The following RAB43 variants were observed in gnomAD, a reference collection of about 807,000 sequenced individuals.
RAB43 encodes the protein RAB43, member RAS oncogene family.
Under a neutral mutation model 18.8 loss-of-function variants are expected in RAB43, and 6 were observed. The ratio of observed to expected loss-of-function variants is 0.32; its 90% CI spans 0.17 to 0.63. The LOEUF (loss-of-function observed/expected upper bound fraction) is 0.63. RAB43 is among the 30% of genes least tolerant of loss of function. RAB43 has a pLI of 0.79. For synonymous variants in RAB43, 103 were observed against 124.1 expected (o/e 0.83, Z 1.13); for missense variants, 195 against 289.1 (o/e 0.67, Z 2.36).
intron 1 of RAB43, among the ~76,000 whole-genome samples, chr3:129,118,822 C>T (rs983117631): frequency 6.6e-6 from 1 of 152,218 alleles, no homozygotes; most frequent in Non-Finnish European, 1.5e-5. Context: ...CCACTGCACC[C>T]GGCCCCTGGA....
intron 1 of RAB43, among the ~76,000 whole-genome samples, chr3:129,111,958 A>G (rs1446734162): frequency 1.3e-5 from 2 of 152,204 alleles, no homozygotes; most frequent in African/African-American, 2.4e-5. Flanking sequence ...GTTAAAAGCC[A>G]AGAGTAAAGC....
intron 1 of RAB43, among the ~76,000 whole-genome samples, chr3:129,097,668 G>A (rs1333900767): frequency 6.6e-6 from 1 of 152,148 alleles, no homozygotes; most frequent in Non-Finnish European, 1.5e-5. Context: ...GATAATACCT[G>A]AGCAGCAGCC....
rs780103120 is a variant in RAB43, at chr3:129,107,226, C to A, written c.205-12057G>T. Among the ~76,000 whole-genome samples, 19 of 152,232 alleles carry A rather than the reference C, an allele frequency of 1.2e-4. No individual in the cohort carries two copies. Among genetic ancestry groups the A allele is most frequent in the Admixed American group, 3.9e-4 (6 of 15,286 alleles). ...TGACTCCGAAGCCTGGTGTCCTTTA[C>A]CATGGACGCGGCTCCTCCGCAAGCA... On this transcript the variant is annotated intron_variant, in intron 1 of 2. Transcript: ENST00000315150. The surrounding 1 kb of genome is among the most constrained non-coding windows in gnomAD (Gnocchi z 4.2).
Position 129,095,392 on chromosome 3 carries a change from A to G in RAB43, c.205-223T>C, listed in dbSNP as rs146583542. Among the ~76,000 whole-genome samples, 271 of 151,604 alleles carry G rather than the reference A, an allele frequency of 1.8e-3. No homozygotes were observed. The highest frequency in any genetic ancestry group is 6.2e-3 in the African/African-American group (257 of 41,532). On this transcript the variant is annotated intron_variant, in intron 1 of 2. Transcript: ENST00000315150. The surrounding 1 kb of genome is among the most constrained non-coding windows in gnomAD (Gnocchi z 4.2). ...GGCCCTCTAGGGTCCCCAGGGAAAG[A>G]TGGAGGAAGGGGTACACTCTGAGCT...
chr3:129,117,296 A>G (rs1264828891), intron 1 of RAB43, among the ~76,000 whole-genome samples: 1 of 152,224 alleles, frequency 6.6e-6, no homozygotes. Flanking sequence ...CATTAGTCCC[A>G]TTTCACAGAT....
At chr3:129,110,588 C>A (rs1417369368) in intron 1 of RAB43, among the ~76,000 whole-genome samples, 1 of 152,144 alleles carries the variant, frequency 6.6e-6, no homozygotes, top group Non-Finnish European at 1.5e-5. Context: ...CCTGTAATCC[C>A]AGCACTTTGG....
intron 1 of RAB43, among the ~76,000 whole-genome samples, chr3:129,101,053 G>A (rs993387188): frequency 1.3e-5 from 2 of 152,136 alleles, no homozygotes; most frequent in African/African-American, 4.8e-5. Flanking sequence ...TGATCCACCC[G>A]CCATGGCCTC....
chr3:129,095,279 G>A lies in RAB43; in HGVS notation c.205-110C>T, dbSNP rs1432185628. The A allele has an allele frequency of 2.8e-6, 4 of 1,426,554 alleles. No homozygotes were observed. The highest frequency in any genetic ancestry group is 2.9e-5 in the African/African-American group (2 of 69,522). The allele number at this position is 1,426,554 out of a possible 1,614,324, so 88.4% of individuals were successfully genotyped here. A position where few individuals can be genotyped will look rare whatever the true frequency, so the allele number is the denominator to read the frequency against. On this transcript the variant is annotated intron_variant, in intron 1 of 2. Transcript: ENST00000315150. This position sits in a 1 kb window ranked among gnomAD's most constrained non-coding sequence, Gnocchi z 4.2. ...GAGCTGTGGTTCCACTGGGCTAGGAGGCCTTCTGAGTCCTTAGAAAGCAAC... is the reference window on the plus strand; with the variant it reads ...GAGCTGTGGTTCCACTGGGCTAGGAAGCCTTCTGAGTCCTTAGAAAGCAAC...
chr3:129,115,983 T>A (rs894623967), intron 1 of RAB43, among the ~76,000 whole-genome samples: 10 of 152,222 alleles, frequency 6.6e-5, no homozygotes, highest in African/African-American at 2.4e-4. Context: ...ACAGTGCTTG[T>A]GTTCAAAGAA....
intron 2 of RAB43, among the ~76,000 whole-genome samples, chr3:129,093,649 G>A (rs568075762): frequency 2.6e-5 from 4 of 152,214 alleles, no homozygotes; most frequent in East Asian, 3.9e-4. Context: ...GTTAGGCTAC[G>A]TGAGGAAAGC....
At position 129,107,611 on chromosome 3, in the gene RAB43, T is replaced by C. The variant is rs1449529430; in HGVS notation, c.205-12442A>G. Among the ~76,000 whole-genome samples the C allele has an allele frequency of 6.6e-6, 1 of 152,102 alleles. No individual in the cohort carries two copies. Among genetic ancestry groups the C allele is most frequent in the Non-Finnish European group, 1.5e-5 (1 of 67,998 alleles). On this transcript the variant is annotated intron_variant, in intron 1 of 2. Coordinates refer to ENST00000315150, the MANE Select transcript of RAB43 (RefSeq NM_198490.3). This position sits in a 1 kb window ranked among gnomAD's most constrained non-coding sequence, Gnocchi z 4.2. ...CATCAGGAAGGGTTTTCAGCAAACA[T>C]TGACAGCATCCTCAGAGTCAGGGCT...
At chr3:129,093,995 G>A (rs1363100614) in intron 2 of RAB43, among the ~76,000 whole-genome samples, 1 of 152,194 alleles carries the variant, frequency 6.6e-6, no homozygotes, top group Non-Finnish European at 1.5e-5. Flanking sequence ...AAGAGCTAAA[G>A]AGCTTCTCCA....
At chr3:129,117,454 T>G (rs1935619977) in intron 1 of RAB43, among the ~76,000 whole-genome samples, 1 of 152,200 alleles carries the variant, frequency 6.6e-6, no homozygotes, top group Non-Finnish European at 1.5e-5. Flanking sequence ...TCAGATTCAC[T>G]TTATAAGTCC....
chr3:129,118,449 T>G (rs370461107), intron 1 of RAB43, among the ~76,000 whole-genome samples: 3 of 152,302 alleles, frequency 2.0e-5, no homozygotes, highest in African/African-American at 7.2e-5. Context: ...TCTGACTGGT[T>G]GGGAAGCTAG....
Position 129,103,404 on chromosome 3 carries a change from G to A in RAB43, c.205-8235C>T, listed in dbSNP as rs113209386. Among the ~76,000 whole-genome samples, 549 of 152,242 alleles carry A rather than the reference G, an allele frequency of 3.6e-3. 2 individuals are homozygous for A. The highest frequency in any genetic ancestry group is 0.012 in the African/African-American group (516 of 41,556). ...GCTAGGATCTTGTAACTCCTCTGCC[G>A]TCAACCCTTAGGTGGCAACCCCAGG... On this transcript the variant is annotated intron_variant, in intron 1 of 2. Transcript: ENST00000315150.
intron 1 of RAB43, among the ~76,000 whole-genome samples, chr3:129,112,684 T>C (rs1217267375): frequency 6.6e-6 from 1 of 152,084 alleles, no homozygotes; most frequent in African/African-American, 2.4e-5. Context: ...TGAACCAGAA[T>C]TATTTTATAG....
chr3:129,112,232 G>A (rs549717561), intron 1 of RAB43, among the ~76,000 whole-genome samples: 2 of 151,322 alleles, frequency 1.3e-5, no homozygotes, highest in South Asian at 4.2e-4. Context: ...TCCATTCTGG[G>A]CAACCAGAGT....
intron 1 of RAB43, among the ~76,000 whole-genome samples, chr3:129,101,604 G>A (rs574363540): frequency 2.0e-5 from 3 of 152,320 alleles, no homozygotes; most frequent in South Asian, 2.1e-4. Context: ...CCACATGGAC[G>A]GTGTTCAGGC....
chr3:129,093,823 A>G (rs558678144), intron 2 of RAB43, among the ~76,000 whole-genome samples: 2 of 152,224 alleles, frequency 1.3e-5, no homozygotes, highest in South Asian at 4.1e-4. Context: ...CGGGAGGCTG[A>G]AGCAGGAGAA....
Sources: gnomAD v4.1 joint callset for allele counts (sites outside exome capture counted in the v4.1 genomes callset) on GRCh38, gnomAD v4.1.1 for gene constraint, Gnocchi (gnomAD v3.1) non-coding constraint, MANE v1.5 for transcripts, NCBI Gene and HGNC (gene_info 2026-07-23, HGNC 2026-07-21) for gene names.